The following ITGA9 variants were observed in gnomAD, a reference collection of about 807,000 sequenced individuals.
ITGA9 encodes integrin subunit alpha 9.
ITGA9 carries 56 observed loss-of-function variants against 127.8 expected under a neutral mutation model. The ratio of observed to expected loss-of-function variants is 0.44; its 90% CI spans 0.35 to 0.55. The LOEUF is 0.55. ITGA9 is among the 20% of genes least tolerant of loss of function. The pLI is 0.00. For missense variants in ITGA9, 1,196 were observed against 1,347.1 expected, an observed-to-expected ratio of 0.89 and a Z score of 1.76; for synonymous variants, 508 against 514.5, an observed-to-expected ratio of 0.99 and a Z score of 0.17.
At chr3:37,798,264 A>G (rs1047716486) in intron 26 of ITGA9, among the ~76,000 whole-genome samples, 2 of 152,234 alleles carry the variant, frequency 1.3e-5, no homozygotes, top group Admixed American at 1.3e-4. Context: ...TGCTGGGATT[A>G]TAGGCATGAG....
Position 37,471,094 on chromosome 3 carries a change from C to T in ITGA9, c.273C>T (p.Thr91=), listed in dbSNP as rs1300702505. The T allele has an allele frequency of 6.2e-7, 1 of 1,614,032 alleles. No individual in the cohort carries two copies. Among genetic ancestry groups the T allele is most frequent in the Non-Finnish European group, 8.5e-7 (1 of 1,180,012 alleles). Residue 91 remains threonine, a synonymous_variant, in exon 2 of 28, where the codon ACC becomes ACT. Transcript: ENST00000264741. The stretch of plus-strand genomic sequence containing the variant: ...CTGTGTTTAAGTGCCGTGTTCACAC[C>T]AACCCTGACCGGAGATGCACCGAAC... ...PGAVFKCRVH[T]NPDRRCTELD...
At chr3:37,522,546 C>T (rs772712608) in intron 11 of ITGA9, among the ~76,000 whole-genome samples, 40 of 151,820 alleles carry the variant, frequency 2.6e-4, no homozygotes, top group Non-Finnish European at 4.7e-4. Flanking sequence ...GGCAACATGG[C>T]GAGACCCCGT....
chr3:37,591,880 G>A (rs1699824124), intron 15 of ITGA9, among the ~76,000 whole-genome samples: 1 of 152,220 alleles, frequency 6.6e-6, no homozygotes, highest in African/African-American at 2.4e-5. Flanking sequence ...GGGTCTGCAT[G>A]GAATTACTTT....
chr3:37,590,074 T>G (rs1699800094), intron 15 of ITGA9, among the ~76,000 whole-genome samples: 1 of 152,112 alleles, frequency 6.6e-6, no homozygotes, highest in African/African-American at 2.4e-5. Flanking sequence ...CCAGCTGCAT[T>G]ACCAGCCAAG....
chr3:37,550,473 G>A (rs767824993), intron 15 of ITGA9, among the ~76,000 whole-genome samples: 2 of 152,162 alleles, frequency 1.3e-5, no homozygotes, highest in Admixed American at 6.5e-5. Context: ...GGAAAGAGGG[G>A]ACATGACTTT....
chr3:37,541,467 T>G (rs1306103067), intron 14 of ITGA9, among the ~76,000 whole-genome samples: 1 of 152,216 alleles, frequency 6.6e-6, no homozygotes, highest in African/African-American at 2.4e-5. Context: ...ACCTATCTAT[T>G]TACTTATTGA....
rs1433207954 is a variant in ITGA9 at position 37,593,531 on chromosome 3, AC to A, written c.1690-35654del. The stretch of plus-strand genomic sequence containing the variant: ...CTCTCTTCCTGGCTTAGAGACGGCC[AC>A]CTTCGTGCTATGTCCTCACATGGCA... On this transcript the variant is annotated intron_variant, in intron 15 of 27. Transcript: ENST00000264741. Among the ~76,000 whole-genome samples, 17 of 152,192 alleles carry A rather than the reference AC, an allele frequency of 1.1e-4. 1 individual carries two copies. Among genetic ancestry groups the A allele is most frequent in the Admixed American group, 1.1e-3 (17 of 15,280 alleles).
intron 15 of ITGA9, among the ~76,000 whole-genome samples, chr3:37,557,083 G>A (rs1307688280): frequency 1.3e-5 from 2 of 152,214 alleles, no homozygotes; most frequent in African/African-American, 2.4e-5. Flanking sequence ...TTTGGACACA[G>A]CTATGTCAGA....
At chr3:37,649,037 T>G (rs895625846) in intron 16 of ITGA9, among the ~76,000 whole-genome samples, 4 of 149,540 alleles carry the variant, frequency 2.7e-5, no homozygotes, top group African/African-American at 9.9e-5. Flanking sequence ...TTATTTCGTG[T>G]AAGCTCCTGG....
In ITGA9 at chr3:37,777,338, A is replaced by G. The variant is rs535244126; in HGVS notation, c.2542-54A>G. On this transcript the variant is annotated intron_variant, in intron 23 of 27. Coordinates refer to ENST00000264741, the MANE Select transcript of ITGA9 (RefSeq NM_002207.3). ...TGCCTCTACAATAAGAGGCTCCAGC[A>G]TCATGATTCATTCTTGAGAATGACT... is the stretch of plus-strand genomic sequence containing the variant. The G allele has an allele frequency of 1.2e-5, 19 of 1,607,030 alleles. No homozygotes were observed. The East Asian group carries it at 4.0e-4, about 34-fold the overall frequency.
intron 23 of ITGA9, among the ~76,000 whole-genome samples, chr3:37,760,423 A>G (rs1210380993): frequency 6.6e-6 from 1 of 152,216 alleles, no homozygotes; most frequent in African/African-American, 2.4e-5. Context: ...ATAAAACACA[A>G]GCAAAATGGT....
chr3:37,774,081 T>C (rs1005828339), intron 23 of ITGA9, among the ~76,000 whole-genome samples: 11 of 152,360 alleles, frequency 7.2e-5, no homozygotes, highest in Non-Finnish European at 1.3e-4. Flanking sequence ...CTTGAATCCA[T>C]GTTGGTGCTG....
rs1697471484 is a variant in ITGA9, at chr3:37,818,621, C to T, written c.3010-270C>T. ...ACAGCTCTCAGTAACTGGTATTCCC[C>T]AGCACACAGTCTGGAAAACACTACA... On this transcript the variant is annotated intron_variant, in intron 27 of 27. Coordinates refer to ENST00000264741, the MANE Select transcript of ITGA9 (RefSeq NM_002207.3). The T allele has an allele frequency of 6.1e-6, 3 of 493,042 alleles. No homozygotes were observed. In the Admixed American group the frequency reaches 9.8e-5, roughly 16 times the overall value. 30.5% of individuals were successfully genotyped at this position (493,042 alleles called of 1,614,324 possible). A position where few individuals can be genotyped will look rare whatever the true frequency, so the allele number is the denominator to read the frequency against.
intron 26 of ITGA9, among the ~76,000 whole-genome samples, chr3:37,785,291 A>G (rs555528359): frequency 2.6e-4 from 40 of 152,348 alleles, no homozygotes; most frequent in Non-Finnish European, 4.1e-4. Context: ...TTAGGATGCC[A>G]TCATTATGTG....
At chr3:37,776,075 A>G (rs1480928019) in intron 23 of ITGA9, among the ~76,000 whole-genome samples, 1 of 152,236 alleles carries the variant, frequency 6.6e-6, no homozygotes, top group Non-Finnish European at 1.5e-5. Context: ...GCAAACTAAC[A>G]CAGGAACAGA....
intron 17 of ITGA9, among the ~76,000 whole-genome samples, chr3:37,664,080 G>A (rs1181110842): frequency 6.6e-6 from 1 of 152,178 alleles, no homozygotes; most frequent in Non-Finnish European, 1.5e-5. Context: ...GGCTCATGTT[G>A]TATGGGAAAG....
At chr3:37,685,525 A>G (rs898657325) in intron 18 of ITGA9, among the ~76,000 whole-genome samples, 2 of 152,162 alleles carry the variant, frequency 1.3e-5, no homozygotes, top group African/African-American at 4.8e-5. Flanking sequence ...CTTTTACAGA[A>G]TCGCATGTGC....
intron 14 of ITGA9, among the ~76,000 whole-genome samples, chr3:37,534,355 A>C (rs546797181): frequency 6.6e-6 from 1 of 152,256 alleles, no homozygotes; most frequent in Non-Finnish European, 1.5e-5. Context: ...CATTGTCAGC[A>C]TCACTGGGAA....
At chr3:37,574,770 G>C (rs1329983359) in intron 15 of ITGA9, among the ~76,000 whole-genome samples, 3 of 152,128 alleles carry the variant, frequency 2.0e-5, no homozygotes, top group Non-Finnish European at 4.4e-5. Flanking sequence ...GCAGAAGGGG[G>C]GTTTCTTTGG....
Sources: allele counts gnomAD v4.1 joint callset (sites outside exome capture counted in the v4.1 genomes callset), GRCh38; gene constraint gnomAD v4.1.1; transcripts MANE v1.5; gene names NCBI Gene and HGNC (gene_info 2026-07-23, HGNC 2026-07-21).